MANSC4: variants seen among roughly 807,000 people sequenced by gnomAD.
MANSC4 encodes the protein MANSC domain containing 4, also known as MANSC domain-containing protein 4.
Under a neutral mutation model 11.4 loss-of-function variants are expected in MANSC4, and 11 were observed. The ratio of observed to expected loss-of-function variants is 0.97; its 90% CI spans 0.61 to 1.60. The LOEUF (loss-of-function observed/expected upper bound fraction) is 1.60. Among genes scored for constraint, MANSC4 ranks in the 40% most tolerant of loss-of-function variants. The probability of loss-of-function intolerance (pLI) is 0.00; values close to 1 mark genes in which losing one functional copy is unlikely to be tolerated. For missense variants in MANSC4, 354 were observed against 404.6 expected (o/e 0.88, Z 1.07); for synonymous variants, 123 against 147.1 (o/e 0.84, Z 1.19).
At position 27,771,351 on chromosome 12, in the gene MANSC4, T is replaced by C. The variant is rs377553766; in HGVS notation, c.-75A>G. 2.3e-6 allele frequency: 3 copies of C among 1,321,342 alleles called. No homozygotes were observed. In the East Asian group the frequency reaches 7.6e-5, roughly 33 times the overall value. 81.9% of individuals were successfully genotyped at this position (1,321,342 alleles called of 1,614,324 possible). On this transcript the variant is annotated 5_prime_UTR_variant, in exon 2 of 4. Transcript: ENST00000381273. Reference sequence around the variant, plus strand: ...AGCTGAACACTGGAGTTTAGGACAGTCTCTGGAACGTCAGAGGTGTTGTTA... The same window carrying C: ...AGCTGAACACTGGAGTTTAGGACAGCCTCTGGAACGTCAGAGGTGTTGTTA...
chr12:27,768,995 C>T (rs1341318931), intron 2 of MANSC4, among the ~76,000 whole-genome samples: 14 of 152,130 alleles, frequency 9.2e-5, no homozygotes, highest in African/African-American at 3.4e-4. Flanking sequence ...CAAAGCATGC[C>T]TAAAGCTGTG....
intron 2 of MANSC4, among the ~76,000 whole-genome samples, chr12:27,768,646 T>A (rs1343832388): frequency 9.4e-6 from 1 of 105,948 alleles, no homozygotes; most frequent in Non-Finnish European, 2.5e-5. Flanking sequence ...CCGACTTTTT[T>A]TTTTTTTTTT....
chr12:27,776,559 G>A (rs1242139424), intron 1 of MANSC4, among the ~76,000 whole-genome samples: 1 of 151,904 alleles, frequency 6.6e-6, no homozygotes, highest in Admixed American at 6.6e-5. Context: ...GTGAAACCCC[G>A]TCCCCACAGA....
intron 1 of MANSC4, among the ~76,000 whole-genome samples, chr12:27,774,694 T>C (rs2062112411): frequency 6.6e-6 from 1 of 152,142 alleles, no homozygotes; most frequent in Non-Finnish European, 1.5e-5. Flanking sequence ...GGTGGCTTTG[T>C]TGATGGAAAA....
chr12:27,766,516 C>A, intron 3 of MANSC4, 149 bp downstream of exon 3: 1 of 778,254 alleles, frequency 1.3e-6, no homozygotes, highest in Non-Finnish European at 2.0e-6. Flanking sequence ...AGTTTTCTGT[C>A]CTAGATATCC....
intron 2 of MANSC4, among the ~76,000 whole-genome samples, chr12:27,768,945 A>C (rs909197878): frequency 6.6e-6 from 1 of 152,112 alleles, no homozygotes; most frequent in Admixed American, 6.6e-5. Flanking sequence ...TTCTTTAATA[A>C]AATAAGATTA....
At chr12:27,775,023 CAAAA>C (rs138084503) in intron 1 of MANSC4, among the ~76,000 whole-genome samples, 46,603 of 132,738 alleles carry the variant, frequency 0.35, 7,381 homozygotes, top group Middle Eastern at 0.38. Flanking sequence ...GATTCCGTCT[CAAAA>C]TAAATAAATA....
At chr12:27,776,088 CAAAAAAA>C (rs35924016) in intron 1 of MANSC4, among the ~76,000 whole-genome samples, 1 of 63,078 alleles carries the variant, frequency 1.6e-5, no homozygotes, top group Non-Finnish European at 3.0e-5. Context: ...GAGACTGTCT[CAAAAAAA>C]AAAAAAAAAA....
At chr12:27,766,073 C>CTTTT (rs36071035) in intron 3 of MANSC4, among the ~76,000 whole-genome samples, 63 of 143,372 alleles carry the variant, frequency 4.4e-4, no homozygotes, top group East Asian at 1.2e-3. Flanking sequence ...ACCACAGGAC[C>CTTTT]TTTTTTTTTT....
intron 3 of MANSC4, among the ~76,000 whole-genome samples, chr12:27,765,825 G>T (rs1021064555): frequency 6.6e-6 from 1 of 152,120 alleles, no homozygotes; most frequent in Non-Finnish European, 1.5e-5. Flanking sequence ...GCAAAAATCT[G>T]TTCTTTTATG....
At position 27,771,178 on chromosome 12, in the gene MANSC4, G is replaced by A. The variant is rs756646897; in HGVS notation, c.99C>T (p.Cys33=). Residue 33 remains cysteine (C), a synonymous_variant, in exon 2 of 4, where the codon TGC becomes TGT. Coordinates refer to ENST00000381273, the MANE Select transcript of MANSC4 (RefSeq NM_001146221.5). The part of the protein sequence containing the change: ...LCSPTIFYRD[C]WIRRFPGLLI... The stretch of plus-strand genomic sequence containing the variant: ...GAAGACCTGGGAAGCGACGGATCCA[G>A]CAGTCTCTGTAAAAAATTGTGGGTG... 2 of 1,552,098 alleles carry A rather than the reference G, an allele frequency of 1.3e-6. No homozygotes were observed. The highest frequency in any genetic ancestry group is 1.7e-6 in the Non-Finnish European group (2 of 1,147,064).
At chr12:27,769,263 G>C (rs1435306967) in intron 2 of MANSC4, among the ~76,000 whole-genome samples, 1 of 152,232 alleles carries the variant, frequency 6.6e-6, no homozygotes, top group Non-Finnish European at 1.5e-5. Flanking sequence ...TGAGAAAGTA[G>C]TTGATTCTGC....
intron 1 of MANSC4, among the ~76,000 whole-genome samples, chr12:27,775,041 AAATAAAT>A (rs2062114556): frequency 1.4e-5 from 2 of 139,442 alleles, no homozygotes; most frequent in South Asian, 4.2e-4. Context: ...ATAAATAAAT[AAATAAAT>A]AAATAAATAA....
chr12:27,771,415 T>G lies in MANSC4; in HGVS notation c.-139A>C, dbSNP rs1258666447. On this transcript the variant is annotated 5_prime_UTR_variant, in exon 2 of 4. Coordinates refer to ENST00000381273, the MANE Select transcript of MANSC4 (RefSeq NM_001146221.5). Reference sequence around the variant, plus strand: ...TTGCAGCTTTTCTGGAGAGTCACTTTCTAGCAAAATAAGACCACTCTTTGC... The same window carrying G: ...TTGCAGCTTTTCTGGAGAGTCACTTGCTAGCAAAATAAGACCACTCTTTGC... 1 of 699,630 alleles carries G rather than the reference T, an allele frequency of 1.4e-6. No homozygotes were observed. Among genetic ancestry groups the G allele is most frequent in the Non-Finnish European group, 2.4e-6 (1 of 424,906 alleles). The allele number at this position is 699,630 out of a possible 1,614,324, so 43.3% of individuals were successfully genotyped here. A position where few individuals can be genotyped will look rare whatever the true frequency, so the allele number is the denominator to read the frequency against.
chr12:27,769,655 T>A (rs1329539586), intron 2 of MANSC4, among the ~76,000 whole-genome samples: 2 of 152,212 alleles, frequency 1.3e-5, no homozygotes, highest in African/African-American at 4.8e-5. Context: ...CAAAAAGATT[T>A]CCTCTTATTA....
At chr12:27,768,026 A>C (rs1025922139) in intron 2 of MANSC4, among the ~76,000 whole-genome samples, 9 of 152,172 alleles carry the variant, frequency 5.9e-5, no homozygotes, top group African/African-American at 2.2e-4. Context: ...CAGGGATGCT[A>C]GCAGGTAGAA....
At chr12:27,773,475 A>G (rs1182530880) in intron 1 of MANSC4, among the ~76,000 whole-genome samples, 1 of 152,202 alleles carries the variant, frequency 6.6e-6, no homozygotes, top group Non-Finnish European at 1.5e-5. Flanking sequence ...AAAACTTGTT[A>G]TAAGGCCTTG....
intron 2 of MANSC4, 65 bp from the exon 3 acceptor site, chr12:27,766,864 T>C: frequency 6.7e-7 from 1 of 1,502,684 alleles, no homozygotes; most frequent in Non-Finnish European, 9.0e-7. Flanking sequence ...TCATGAACTC[T>C]GAGTAACTTA....
At chr12:27,773,650 T>G (rs911476110) in intron 1 of MANSC4, among the ~76,000 whole-genome samples, 1 of 152,220 alleles carries the variant, frequency 6.6e-6, no homozygotes, top group Non-Finnish European at 1.5e-5. Flanking sequence ...ACATTCTTAT[T>G]TTTACAAGAG....
Sources: allele counts gnomAD v4.1 joint callset (sites outside exome capture counted in the v4.1 genomes callset), GRCh38; gene constraint gnomAD v4.1.1; transcripts MANE v1.5; gene names NCBI Gene and HGNC (gene_info 2026-07-23, HGNC 2026-07-21).